STK39: variants seen among roughly 807,000 people sequenced by gnomAD.
STK39 encodes STE20/SPS1-related proline-alanine-rich protein kinase.
In STK39, 20 loss-of-function variants were observed where a neutral mutation model predicts 77.8. The observed-to-expected ratio is 0.26, with a 90% CI of 0.18 to 0.37. The LOEUF is 0.37. Ranked by LOEUF, STK39 falls within the 10% of genes least tolerant of loss-of-function variation. The pLI is 1.00. For synonymous variants in STK39, 246 were observed against 234.1 expected (o/e 1.05, Z -0.47); for missense variants, 479 against 656.5 (o/e 0.73, Z 2.95).
chr2:168,240,773 G>C (rs6739351), intron 1 of STK39, among the ~76,000 whole-genome samples: 9,529 of 152,332 alleles, frequency 0.063, 394 homozygotes, highest in African/African-American at 0.11. Flanking sequence ...CTCAGCATTT[G>C]ATGTGGTAAT....
intron 16 of STK39, among the ~76,000 whole-genome samples, chr2:167,990,979 C>G (rs1284504102): frequency 6.6e-6 from 1 of 152,180 alleles, no homozygotes; most frequent in Admixed American, 6.6e-5. Context: ...ACACTAGGAA[C>G]CTGGACTTCA....
intron 10 of STK39, among the ~76,000 whole-genome samples, chr2:168,115,194 T>C (rs1413428918): frequency 1.3e-5 from 2 of 152,024 alleles, no homozygotes; most frequent in African/African-American, 2.4e-5. Flanking sequence ...GGAAAAAAAA[T>C]GAAATAAAGT....
At chr2:168,063,806 T>G (rs1685725636) in intron 13 of STK39, among the ~76,000 whole-genome samples, 2 of 152,184 alleles carry the variant, frequency 1.3e-5, no homozygotes, top group Admixed American at 6.5e-5. Context: ...AGTTCTAGGA[T>G]GGGTATCATA....
chr2:167,982,592 T>C (rs1262546711), intron 16 of STK39, among the ~76,000 whole-genome samples: 1 of 152,238 alleles, frequency 6.6e-6, no homozygotes, highest in African/African-American at 2.4e-5. Context: ...TAAATTGATG[T>C]GGTCACTCTA....
intron 5 of STK39, among the ~76,000 whole-genome samples, chr2:168,154,334 T>C (rs1688370588): frequency 6.6e-6 from 1 of 152,186 alleles, no homozygotes; most frequent in Non-Finnish European, 1.5e-5. Flanking sequence ...CACATCATTT[T>C]ACAGGTGATA....
At chr2:168,121,994 T>A (rs1297633647) in intron 10 of STK39, among the ~76,000 whole-genome samples, 1 of 152,244 alleles carries the variant, frequency 6.6e-6, no homozygotes, top group Non-Finnish European at 1.5e-5. Flanking sequence ...ACTTCCTGCC[T>A]AAATCTGCTA....
chr2:168,231,725 G>A (rs7574739), intron 1 of STK39, among the ~76,000 whole-genome samples: 19,599 of 152,042 alleles, frequency 0.13, 2,217 homozygotes, highest in East Asian at 0.34. Flanking sequence ...GTGTGCCAGA[G>A]TGCTCTGTGA....
At chr2:168,167,712 C>G (rs1002970453) in intron 2 of STK39, among the ~76,000 whole-genome samples, 2 of 152,136 alleles carry the variant, frequency 1.3e-5, no homozygotes, top group African/African-American at 4.8e-5. Flanking sequence ...AGCCCTGCCA[C>G]ATAGGACTAA....
chr2:168,108,534 C>T (rs536615126), intron 10 of STK39, among the ~76,000 whole-genome samples: 9 of 150,904 alleles, frequency 6.0e-5, no homozygotes, highest in East Asian at 2.0e-4. Context: ...GGTGACGGAG[C>T]GAGACCCTGT....
At chr2:168,199,074 C>G (rs1045118332) in intron 1 of STK39, among the ~76,000 whole-genome samples, 1 of 152,028 alleles carries the variant, frequency 6.6e-6, no homozygotes, top group Non-Finnish European at 1.5e-5. Context: ...TAGCAGGGGG[C>G]GGGGGAAACT....
At chr2:168,011,007 C>T (rs563103036) in intron 16 of STK39, among the ~76,000 whole-genome samples, 1 of 152,216 alleles carries the variant, frequency 6.6e-6, no homozygotes, top group South Asian at 2.1e-4. Context: ...TAAAACATAT[C>T]ATTTAAGGGG....
At position 168,084,984 on chromosome 2, in the gene STK39, C is replaced by T. The variant is rs948406398; in HGVS notation, c.1090-9753G>A. Among the ~76,000 whole-genome samples the T allele has an allele frequency of 2.6e-5, 4 of 152,210 alleles. No individual in the cohort carries two copies. In the East Asian group the frequency reaches 7.7e-4, roughly 29 times the overall value. ...GGATTCCAAGAATCACAGGGCACTG[C>T]CCCTTAGCTGTCTCACAGGGAACCC... On this transcript the variant is annotated intron_variant, in intron 10 of 17. Transcript: ENST00000355999.
chr2:168,234,465 CTGAT>C (rs913320242), intron 1 of STK39, among the ~76,000 whole-genome samples: 38 of 152,308 alleles, frequency 2.5e-4, no homozygotes, highest in African/African-American at 9.1e-4. Context: ...TGCTGCTGCT[CTGAT>C]TGTTATAAAA....
At chr2:168,155,539 C>T (rs532668698) in intron 5 of STK39, among the ~76,000 whole-genome samples, 2 of 152,130 alleles carry the variant, frequency 1.3e-5, no homozygotes, top group African/African-American at 2.4e-5. Context: ...ACAAATATTT[C>T]GGTTCACTAT....
chr2:168,077,231 G>T (rs1209687406), intron 10 of STK39, among the ~76,000 whole-genome samples: 1 of 152,130 alleles, frequency 6.6e-6, no homozygotes, highest in African/African-American at 2.4e-5. Flanking sequence ...TCACCCAAGA[G>T]ATTACACTAA....
Position 168,119,128 on chromosome 2 carries a change from C to T in STK39, c.1089+10413G>A, listed in dbSNP as rs889164378. On this transcript the variant is annotated intron_variant, in intron 10 of 17. Coordinates refer to ENST00000355999, the MANE Select transcript of STK39 (RefSeq NM_013233.3). ...GAGATTTATTCCCAAGGCACATGGT[C>T]GGTTTTAAGCGAGAGGATGGGAAAA... 1.3e-5 allele frequency among the ~76,000 whole-genome samples: 2 copies of T among 152,080 alleles called. 1 individual carries two copies. The highest frequency in any genetic ancestry group is 4.1e-4 in the South Asian group (2 of 4,826).
At chr2:168,234,264 T>C (rs13430810) in intron 1 of STK39, among the ~76,000 whole-genome samples, 55,665 of 152,110 alleles carry the variant, frequency 0.37, 10,576 homozygotes, top group Non-Finnish European at 0.43. Flanking sequence ...AAACAGTCTA[T>C]ATCTGCACTA....
At chr2:167,995,596 A>G (rs1278415357) in intron 16 of STK39, among the ~76,000 whole-genome samples, 4 of 152,182 alleles carry the variant, frequency 2.6e-5, no homozygotes, top group Non-Finnish European at 5.9e-5. Flanking sequence ...TACAGAAAGA[A>G]CAGAGAGTAT....
intron 16 of STK39, among the ~76,000 whole-genome samples, chr2:167,975,478 C>A (rs1267254082): frequency 6.6e-6 from 1 of 152,148 alleles, no homozygotes; most frequent in Non-Finnish European, 1.5e-5. Flanking sequence ...AAGAGATCAA[C>A]CAATCCAGAA....
Sources: allele counts gnomAD v4.1 joint callset (sites outside exome capture counted in the v4.1 genomes callset), GRCh38; gene constraint gnomAD v4.1.1; transcripts MANE v1.5; gene names NCBI Gene and HGNC (gene_info 2026-07-23, HGNC 2026-07-21).